PSTPIP2: variants seen among roughly 807,000 people sequenced by gnomAD.
PSTPIP2 encodes the protein proline-serine-threonine phosphatase-interacting protein 2.
In PSTPIP2, 33 loss-of-function variants were observed where a neutral mutation model predicts 63.3. That is an observed-to-expected ratio of 0.52 (90% CI 0.40 to 0.70). PSTPIP2 has a LOEUF of 0.70. Ranked by LOEUF, PSTPIP2 falls within the 30% of genes least tolerant of loss-of-function variation. The pLI, the probability that PSTPIP2 is intolerant of heterozygous loss-of-function variation, is 0.00. For synonymous variants in PSTPIP2, 125 were observed against 132.7 expected, an observed-to-expected ratio of 0.94 and a Z score of 0.40; for missense variants, 312 against 400.7, an observed-to-expected ratio of 0.78 and a Z score of 1.89.
chr18:45,994,985 A>C (rs2051578575), intron 9 of PSTPIP2, among the ~76,000 whole-genome samples: 1 of 152,162 alleles, frequency 6.6e-6, no homozygotes, highest in South Asian at 2.1e-4. Context: ...TGATTTACCC[A>C]GTTTCTATCA....
At chr18:46,021,252 C>T (rs953905572) in intron 3 of PSTPIP2, among the ~76,000 whole-genome samples, 1 of 151,958 alleles carries the variant, frequency 6.6e-6, no homozygotes, top group Non-Finnish European at 1.5e-5. Context: ...AACAAATAAA[C>T]GTAACTATAA....
At chr18:46,008,009 T>C (rs771959742) in intron 5 of PSTPIP2, among the ~76,000 whole-genome samples, 1 of 152,172 alleles carries the variant, frequency 6.6e-6, no homozygotes, top group Non-Finnish European at 1.5e-5. Context: ...ACTTATGGGG[T>C]GACATTTGTG....
At chr18:46,028,289 A>G in intron 2 of PSTPIP2, 1 of 450,664 alleles carries the variant, frequency 2.2e-6, no homozygotes, top group Non-Finnish European at 4.3e-6. Flanking sequence ...GCGAAGCCGA[A>G]GCGTTAGCCC....
chr18:45,999,671 C>T, intron 6 of PSTPIP2, 137 bp from the exon 7 acceptor site: 1 of 743,116 alleles, frequency 1.3e-6, no homozygotes, highest in Non-Finnish European at 2.2e-6. Context: ...CCATGGGCTC[C>T]CAGAGGGCAG....
intron 9 of PSTPIP2, among the ~76,000 whole-genome samples, chr18:45,995,330 T>C (rs940215470): frequency 6.6e-6 from 1 of 152,100 alleles, no homozygotes; most frequent in Non-Finnish European, 1.5e-5. Context: ...CTTGAACTCC[T>C]GGGCTCAAGC....
chr18:46,030,477 T>C (rs1907752231), intron 2 of PSTPIP2, among the ~76,000 whole-genome samples: 3 of 152,244 alleles, frequency 2.0e-5, no homozygotes, highest in Admixed American at 6.5e-5. Context: ...AGCATTGTTG[T>C]ACTTCCACCT....
At chr18:45,993,169 A>G (rs924024863) in intron 10 of PSTPIP2, among the ~76,000 whole-genome samples, 4 of 152,184 alleles carry the variant, frequency 2.6e-5, no homozygotes, top group Admixed American at 6.5e-5. Context: ...ATCTTGGCTC[A>G]CTGCAGCCTC....
intron 5 of PSTPIP2, among the ~76,000 whole-genome samples, chr18:46,008,568 A>G (rs1331668331): frequency 6.6e-6 from 1 of 152,082 alleles, no homozygotes; most frequent in African/African-American, 2.4e-5. Context: ...CACCTCGGCA[A>G]AGTGCTGGGA....
intron 1 of PSTPIP2, among the ~76,000 whole-genome samples, chr18:46,041,471 C>A (rs560672363): frequency 9.9e-5 from 15 of 152,262 alleles, no homozygotes; most frequent in African/African-American, 2.9e-4. Context: ...TGGTCTCGAA[C>A]TCCTGACCTC....
At chr18:46,070,549 T>C (rs953632785) in intron 1 of PSTPIP2, among the ~76,000 whole-genome samples, 4 of 152,254 alleles carry the variant, frequency 2.6e-5, no homozygotes, top group Non-Finnish European at 5.9e-5. Flanking sequence ...CAAATCACTC[T>C]GTCGTCCAGG....
chr18:46,031,734 T>C (rs1599728793), intron 2 of PSTPIP2, among the ~76,000 whole-genome samples: 1 of 152,304 alleles, frequency 6.6e-6, no homozygotes, highest in East Asian at 1.9e-4. Flanking sequence ...TTAGACTCTT[T>C]TGTTGTTTCC....
At chr18:46,056,931 A>C (rs1182035012) in intron 1 of PSTPIP2, among the ~76,000 whole-genome samples, 2 of 151,988 alleles carry the variant, frequency 1.3e-5, no homozygotes, top group African/African-American at 4.8e-5. Context: ...GTGAAACTCC[A>C]TCTCTACTAA....
chr18:45,986,184 G>A (rs141127286), intron 14 of PSTPIP2, among the ~76,000 whole-genome samples: 1,716 of 152,194 alleles, frequency 0.011, 12 homozygotes, highest in Middle Eastern at 0.02. Context: ...AAAATTTTCT[G>A]AAATTCAGTA....
At chr18:46,024,249 C>T (rs1048934975) in intron 3 of PSTPIP2, among the ~76,000 whole-genome samples, 3 of 151,950 alleles carry the variant, frequency 2.0e-5, no homozygotes, top group African/African-American at 7.3e-5. Context: ...ACCATCCTCC[C>T]ACCTCAGTCT....
intron 2 of PSTPIP2, among the ~76,000 whole-genome samples, chr18:46,027,418 T>C (rs1907622099): frequency 6.6e-6 from 1 of 151,496 alleles, no homozygotes; most frequent in African/African-American, 2.4e-5. Context: ...GGACTGGTGT[T>C]GTGGCTCACA....
chr18:46,055,734 G>A (rs1056512452), intron 1 of PSTPIP2, among the ~76,000 whole-genome samples: 1 of 152,166 alleles, frequency 6.6e-6, no homozygotes, highest in Non-Finnish European at 1.5e-5. Flanking sequence ...CCTTCCCCCA[G>A]TGAAAGATAC....
At chr18:46,058,879 C>T (rs1429604249) in intron 1 of PSTPIP2, among the ~76,000 whole-genome samples, 1 of 152,088 alleles carries the variant, frequency 6.6e-6, no homozygotes, top group Non-Finnish European at 1.5e-5. Flanking sequence ...GACCTAGGAC[C>T]CTGGACACTG....
chr18:46,040,289 T>A (rs1453417300), intron 1 of PSTPIP2: 1 of 363,794 alleles, frequency 2.7e-6, no homozygotes, highest in Non-Finnish European at 5.0e-6. Flanking sequence ...AACCAGAAAT[T>A]AGGGATGTGA....
intron 2 of PSTPIP2, among the ~76,000 whole-genome samples, chr18:46,025,589 G>A (rs1278442515): frequency 6.6e-6 from 1 of 150,922 alleles, no homozygotes; most frequent in Non-Finnish European, 1.5e-5. Flanking sequence ...CATATAGAAT[G>A]TTCCTTATCA....
Sources: allele counts gnomAD v4.1 joint callset (sites outside exome capture counted in the v4.1 genomes callset), GRCh38; gene constraint gnomAD v4.1.1; transcripts MANE v1.5; gene names NCBI Gene and HGNC (gene_info 2026-07-23, HGNC 2026-07-21).